CTBP1: variants seen among roughly 807,000 people sequenced by gnomAD.
CTBP1 encodes C-terminal-binding protein 1.
Under a neutral mutation model 42.1 loss-of-function variants are expected in CTBP1, and 11 were observed. The observed-to-expected ratio is 0.26, with a 90% confidence interval of 0.16 to 0.43. The LOEUF is 0.43. CTBP1 is among the 20% of genes least tolerant of loss of function. The pLI is 1.00. For missense variants in CTBP1, 399 were observed against 624.3 expected, an observed-to-expected ratio of 0.64 and a Z score of 3.85; for synonymous variants, 324 against 277.1, an observed-to-expected ratio of 1.17 and a Z score of -1.68.
intron 5 of CTBP1, 74 bp from the exon 6 acceptor site, chr4:1,216,279 G>A (rs964162645): frequency 1.9e-5 from 27 of 1,430,566 alleles, no homozygotes; most frequent in South Asian, 6.5e-5. Flanking sequence ...AGCCAGGGTC[G>A]GAGTGGCCTC....
At chr4:1,250,315 G>A (rs973584431), upstream of CTBP1, 1 of 268,564 alleles carries the variant, frequency 3.7e-6, no homozygotes, top group Non-Finnish European at 7.6e-6. Flanking sequence ...TTCTAAGATC[G>A]GGCTGCCGAG....
intron 5 of CTBP1, among the ~76,000 whole-genome samples, chr4:1,222,580 G>A (rs543861007): frequency 2.6e-5 from 4 of 152,170 alleles, no homozygotes; most frequent in Non-Finnish European, 4.4e-5. Flanking sequence ...CCCCGCACCT[G>A]CAGTCCCCAC....
intron 3 of CTBP1, chr4:1,236,360 T>C: frequency 2.0e-6 from 1 of 496,340 alleles, no homozygotes; most frequent in South Asian, 2.5e-5. Flanking sequence ...GGCTGCTCAC[T>C]GCTGGACCAA....
intron 1 of CTBP1, chr4:1,243,462 C>G (rs773728371): frequency 3.9e-5 from 38 of 985,408 alleles, no homozygotes; most frequent in Non-Finnish European, 4.6e-5. Flanking sequence ...TGCTCCAGTT[C>G]AGGACAGACA....
At chr4:1,229,897 A>G (rs1730779242) in intron 3 of CTBP1, among the ~76,000 whole-genome samples, 1 of 152,212 alleles carries the variant, frequency 6.6e-6, no homozygotes, top group Non-Finnish European at 1.5e-5. Context: ...CCAGGGCCAC[A>G]GCAGAGGCTG....
intron 1 of CTBP1, chr4:1,245,544 G>A (rs552591887): frequency 1.4e-5 from 14 of 983,848 alleles, no homozygotes; most frequent in African/African-American, 1.7e-5. Flanking sequence ...CAGACGGGCG[G>A]CAGGTCAGGG....
chr4:1,241,896 G>C (rs1276931584), intron 1 of CTBP1: 10 of 1,068,960 alleles, frequency 9.4e-6, no homozygotes, highest in Non-Finnish European at 1.1e-5. Context: ...GGAAACTGCG[G>C]AAAGGCTCTG....
chr4:1,234,232 C>T (rs1731255890), intron 3 of CTBP1, among the ~76,000 whole-genome samples: 1 of 152,242 alleles, frequency 6.6e-6, no homozygotes, highest in South Asian at 2.1e-4. Flanking sequence ...TTCTCTTCAC[C>T]TCTCTGGCTT....
intron 1 of CTBP1, chr4:1,243,467 C>T (rs1319421909): frequency 5.1e-6 from 5 of 985,278 alleles, no homozygotes; most frequent in Non-Finnish European, 6.0e-6. Flanking sequence ...CAGTTCAGGA[C>T]AGACACCTGA....
chr4:1,228,293 G>A lies in CTBP1; in HGVS notation c.213C>T (p.Thr71=), dbSNP rs1478428347. The change falls in exon 4 of 10, where the codon ACC becomes ACT. Residue 71 remains threonine, a synonymous_variant. Transcript: ENST00000382952. ...GALMYHTITL[T]REDLEKFKAL... Reference sequence around the variant, plus strand: ...CTTTGAACTTCTCCAGGTCCTCCCTGGTGAGAGTGATGGTGTGGTACATCA... The same window carrying A: ...CTTTGAACTTCTCCAGGTCCTCCCTAGTGAGAGTGATGGTGTGGTACATCA... 1.9e-6 allele frequency: 3 copies of A among 1,614,070 alleles called. No individual in the cohort carries two copies. Among genetic ancestry groups the A allele is most frequent in the Non-Finnish European group, 2.5e-6 (3 of 1,180,022 alleles).
chr4:1,243,534 G>A, intron 1 of CTBP1: 4 of 985,380 alleles, frequency 4.1e-6, no homozygotes, highest in Non-Finnish European at 4.8e-6. Context: ...CCCTGGGGTA[G>A]GTCTGCCCAC....
rs1045537976 is a variant in CTBP1 at position 1,213,158 on chromosome 4, C to T, written c.989-128G>A. The T allele has an allele frequency of 3.8e-5, 33 of 863,536 alleles. No individual in the cohort carries two copies. In the African/African-American group the frequency reaches 4.7e-4, roughly 12 times the overall value. The allele number at this position is 863,536 out of a possible 1,614,324, so 53.5% of individuals were successfully genotyped here. Reference sequence around the variant, plus strand: ...TCCTCCCTCTCAGCCCCGGGGCTCCCAAGGCACGGCAGGGTCCTGTCTCTC... The same window carrying T: ...TCCTCCCTCTCAGCCCCGGGGCTCCTAAGGCACGGCAGGGTCCTGTCTCTC... On this transcript the variant is annotated intron_variant, in intron 8 of 9. Transcript: ENST00000382952.
chr4:1,239,085 T>C (rs925895014), intron 2 of CTBP1, among the ~76,000 whole-genome samples: 1 of 152,220 alleles, frequency 6.6e-6, no homozygotes, highest in Non-Finnish European at 1.5e-5. Flanking sequence ...GGTTAAAACC[T>C]GTTAAAGTCC....
chr4:1,214,452 C>G lies in CTBP1; in HGVS notation c.751G>C (p.Val251Leu). 2 of 1,589,882 alleles carry G rather than the reference C, an allele frequency of 1.3e-6. No individual in the cohort carries two copies. The highest frequency in any genetic ancestry group is 8.5e-7 in the Non-Finnish European group (1 of 1,170,170). ...VKQMRQGAFL[V>L]NTARGGLVDE... ...ACCAGGCCACCCCGGGCTGTGTTCACCAGGAAGGCCCCTTGTCTCATCTAG... is the reference window on the plus strand; with the variant it reads ...ACCAGGCCACCCCGGGCTGTGTTCAGCAGGAAGGCCCCTTGTCTCATCTAG... The change falls in exon 7 of 10, where the codon GTG becomes CTG. Residue 251 changes from valine (V) to leucine (L), a missense_variant. Coordinates refer to ENST00000382952, the MANE Select transcript of CTBP1 (RefSeq NM_001012614.2).
At chr4:1,243,916 T>C in intron 1 of CTBP1, 1 of 985,440 alleles carries the variant, frequency 1.0e-6, no homozygotes, top group Non-Finnish European at 1.2e-6. Context: ...CTTAACCTCA[T>C]GTTGTAAGAA....
Position 1,238,341 on chromosome 4 carries a change from C to T in CTBP1, c.8-4G>A. 1.3e-6 allele frequency: 2 copies of T among 1,555,938 alleles called. No individual in the cohort carries two copies. The highest frequency in any genetic ancestry group is 1.7e-6 in the Non-Finnish European group (2 of 1,148,324). ...TTCATGATCGGAGGTCGGACGCCTGCAAGACAGAGGCAAGTGCTCAGCCTT... is the reference window on the plus strand; with the variant it reads ...TTCATGATCGGAGGTCGGACGCCTGTAAGACAGAGGCAAGTGCTCAGCCTT... On this transcript the variant is annotated splice_region_variant and splice_polypyrimidine_tract_variant and intron_variant, in intron 2 of 9. Coordinates refer to ENST00000382952, the MANE Select transcript of CTBP1 (RefSeq NM_001012614.2). This position sits in a 1 kb window ranked among gnomAD's most constrained non-coding sequence, Gnocchi z 5.9.
At chr4:1,241,055 C>T (rs1732126140) in intron 2 of CTBP1, among the ~76,000 whole-genome samples, 1 of 152,188 alleles carries the variant, frequency 6.6e-6, no homozygotes, top group South Asian at 2.1e-4. Context: ...GCCCTCCGTG[C>T]CTCTCAGACA....
rs1486922588 is a variant in CTBP1, at chr4:1,248,825, G to C, written c.-189+91C>G. 3 of 907,964 alleles carry C rather than the reference G, an allele frequency of 3.3e-6. No individual in the cohort carries two copies. The African/African-American group carries it at 5.6e-5, about 17-fold the overall frequency. 56.2% of individuals were successfully genotyped at this position (907,964 alleles called of 1,614,324 possible). Reference sequence around the variant, plus strand: ...CAAAGCCGGCGGCCCGCGGGCGCGCGCTCGGTCCGCCCCCGCGCCCCCCGC... The same window carrying C: ...CAAAGCCGGCGGCCCGCGGGCGCGCCCTCGGTCCGCCCCCGCGCCCCCCGC... On this transcript the variant is annotated intron_variant, in intron 1 of 9. Transcript: ENST00000382952.
intron 1 of CTBP1, among the ~76,000 whole-genome samples, chr4:1,246,669 G>C (rs906658424): frequency 5.9e-5 from 9 of 152,204 alleles, no homozygotes; most frequent in Non-Finnish European, 1.0e-4. Context: ...GCCGCAGGAA[G>C]TTGAGAGGGC....
Sources: allele counts gnomAD v4.1 joint callset (sites outside exome capture counted in the v4.1 genomes callset), GRCh38; gene constraint gnomAD v4.1.1; non-coding constraint Gnocchi (gnomAD v3.1); transcripts MANE v1.5; gene names NCBI Gene and HGNC (gene_info 2026-07-23, HGNC 2026-07-21).